BRINP3: variants seen among roughly 807,000 people sequenced by gnomAD.
BRINP3 encodes BMP/retinoic acid inducible neural specific 3, also known as BMP/retinoic acid-inducible neural-specific protein 3.
A neutral mutation model predicts 71.0 loss-of-function variants in BRINP3; 19 were observed. The observed-to-expected ratio is 0.27, with a 90% CI of 0.19 to 0.39. The LOEUF (loss-of-function observed/expected upper bound fraction) is 0.39. Among genes scored for constraint, BRINP3 ranks in the 10% least tolerant of loss-of-function variants. BRINP3 has a pLI of 1.00. For missense variants in BRINP3, 959 were observed against 940.8 expected (o/e 1.02, Z -0.25); for synonymous variants, 380 against 337.7 (o/e 1.13, Z -1.37).
At chr1:190,465,171 G>A (rs575193755) in intron 1 of BRINP3, among the ~76,000 whole-genome samples, 46 of 152,008 alleles carry the variant, frequency 3.0e-4, no homozygotes, top group African/African-American at 6.5e-4. Flanking sequence ...GTGTTTCAAC[G>A]TAGATGATCA....
chr1:190,468,118 A>G (rs1291880127), intron 1 of BRINP3, among the ~76,000 whole-genome samples: 1 of 151,338 alleles, frequency 6.6e-6, no homozygotes, highest in Non-Finnish European at 1.5e-5. Context: ...AATAGTTAAT[A>G]ATTGTCTGGT....
intron 2 of BRINP3, among the ~76,000 whole-genome samples, chr1:190,388,031 TATA>T (rs1004940860): frequency 6.6e-6 from 1 of 151,798 alleles, no homozygotes; most frequent in African/African-American, 2.4e-5. Flanking sequence ...AATTAATAAT[TATA>T]ATATTAAGAG....
chr1:190,269,664 G>T (rs1164157438), intron 3 of BRINP3, among the ~76,000 whole-genome samples: 2 of 152,000 alleles, frequency 1.3e-5, no homozygotes, highest in African/African-American at 4.8e-5. Context: ...TTCAATCTAA[G>T]TCATAGCATG....
intron 7 of BRINP3, among the ~76,000 whole-genome samples, chr1:190,144,221 G>C (rs1179420898): frequency 1.3e-5 from 2 of 151,998 alleles, no homozygotes; most frequent in African/African-American, 4.8e-5. Flanking sequence ...TCACTAAACT[G>C]GCTCATAGCT....
chr1:190,193,912 T>C (rs1210654421), intron 6 of BRINP3, among the ~76,000 whole-genome samples: 2 of 152,054 alleles, frequency 1.3e-5, no homozygotes, highest in East Asian at 3.9e-4. Flanking sequence ...CAAACACAGA[T>C]GGCCTAATAA....
At chr1:190,171,484 G>A (rs978254510) in intron 6 of BRINP3, among the ~76,000 whole-genome samples, 2 of 152,114 alleles carry the variant, frequency 1.3e-5, no homozygotes, top group African/African-American at 4.8e-5. Context: ...ACCAGTCAAT[G>A]TAAATGGAGG....
At chr1:190,470,754 T>C (rs1240384364) in intron 1 of BRINP3, among the ~76,000 whole-genome samples, 1 of 151,148 alleles carries the variant, frequency 6.6e-6, no homozygotes, top group African/African-American at 2.4e-5. Context: ...CATTTCAAAA[T>C]TTGAACACAA....
chr1:190,113,062 T>C (rs1652824956), intron 7 of BRINP3, among the ~76,000 whole-genome samples: 1 of 152,158 alleles, frequency 6.6e-6, no homozygotes, highest in Non-Finnish European at 1.5e-5. Flanking sequence ...TAACTGTTGA[T>C]ACTACACAGT....
At chr1:190,155,548 C>T (rs1420363633) in intron 7 of BRINP3, among the ~76,000 whole-genome samples, 1 of 152,076 alleles carries the variant, frequency 6.6e-6, no homozygotes, top group African/African-American at 2.4e-5. Context: ...GGCAGCACAA[C>T]ATAGTATAGC....
intron 2 of BRINP3, among the ~76,000 whole-genome samples, chr1:190,355,027 T>A (rs1186434967): frequency 6.6e-6 from 1 of 151,908 alleles, no homozygotes; most frequent in Non-Finnish European, 1.5e-5. Context: ...TCTTCAGATT[T>A]TATGAATAAG....
intron 2 of BRINP3, among the ~76,000 whole-genome samples, chr1:190,322,452 C>T (rs1666305902): frequency 6.6e-6 from 1 of 152,032 alleles, no homozygotes; most frequent in Admixed American, 6.6e-5. Flanking sequence ...ATATTTCTCA[C>T]TTGTGACAGA....
intron 7 of BRINP3, among the ~76,000 whole-genome samples, chr1:190,160,035 C>CT (rs1657212402): frequency 6.6e-6 from 1 of 151,898 alleles, no homozygotes; most frequent in South Asian, 2.1e-4. Flanking sequence ...TTTCCCGTAG[C>CT]TTTTTGTTTT....
chr1:190,100,029 A>G (rs1279128667), intron 7 of BRINP3, among the ~76,000 whole-genome samples: 1 of 152,198 alleles, frequency 6.6e-6, no homozygotes, highest in African/African-American at 2.4e-5. Flanking sequence ...TTGCTTTCTC[A>G]TACTGCATGT....
chr1:190,286,648 C>T (rs1292601999), intron 2 of BRINP3, among the ~76,000 whole-genome samples: 1 of 152,096 alleles, frequency 6.6e-6, no homozygotes, highest in Non-Finnish European at 1.5e-5. Context: ...TATTACATTA[C>T]TTTTCACATT....
At chr1:190,141,555 CTTTTTTT>C (rs35090212) in intron 7 of BRINP3, among the ~76,000 whole-genome samples, 11 of 82,394 alleles carry the variant, frequency 1.3e-4, no homozygotes, top group African/African-American at 3.1e-4. Context: ...TCTTTCTTTC[CTTTTTTT>C]TTTTTTTTTT....
chr1:190,272,849 T>C (rs551288357), intron 3 of BRINP3, among the ~76,000 whole-genome samples: 19 of 151,594 alleles, frequency 1.3e-4, no homozygotes, highest in Admixed American at 4.0e-4. Flanking sequence ...AAATCTGCAG[T>C]TTAAATCACC....
intron 2 of BRINP3, among the ~76,000 whole-genome samples, chr1:190,321,173 T>C (rs1259744765): frequency 6.6e-5 from 10 of 152,048 alleles, no homozygotes; most frequent in African/African-American, 2.4e-4. Context: ...CACTGAAGAA[T>C]AGAGTTGAGT....
intron 2 of BRINP3, among the ~76,000 whole-genome samples, chr1:190,443,212 T>C (rs557313024): frequency 6.6e-6 from 1 of 152,196 alleles, no homozygotes; most frequent in East Asian, 1.9e-4. Context: ...CTTCTGTATC[T>C]TGACTAAAAG....
chr1:190,240,087 A>G (rs931025391), intron 4 of BRINP3, among the ~76,000 whole-genome samples: 1 of 151,730 alleles, frequency 6.6e-6, no homozygotes, highest in Non-Finnish European at 1.5e-5. Context: ...TAGACTAGGA[A>G]CTAACTTGAC....
Sources: allele counts gnomAD v4.1 joint callset (sites outside exome capture counted in the v4.1 genomes callset), GRCh38; gene constraint gnomAD v4.1.1; transcripts MANE v1.5; gene names NCBI Gene and HGNC (gene_info 2026-07-23, HGNC 2026-07-21).